Variants in EMC3 observed in about 807,000 individuals in gnomAD.
The protein encoded by EMC3 is 30 kDa protein.
Under a neutral mutation model 36.6 loss-of-function variants are expected in EMC3, and 13 were observed. The ratio of observed to expected loss-of-function variants is 0.35; its 90% CI spans 0.23 to 0.56. The LOEUF (loss-of-function observed/expected upper bound fraction) is 0.56, where lower values mean the gene tolerates loss of function less well. Ranked by LOEUF, EMC3 falls within the 20% of genes least tolerant of loss-of-function variation. The pLI, the probability that EMC3 is intolerant of heterozygous loss-of-function variation, is 0.84. For missense variants in EMC3, 220 were observed against 324.5 expected (o/e 0.68, Z 2.47); for synonymous variants, 120 against 111.9 (o/e 1.07, Z -0.46).
chr3:10,000,704 C>A, intron 1 of EMC3: 1 of 473,354 alleles, frequency 2.1e-6, no homozygotes, highest in Non-Finnish European at 4.2e-6. Context: ...CTTCTTAATG[C>A]CGGCAAAGAT....
chr3:9,982,123 T>C (rs1575683497), intron 1 of EMC3, among the ~76,000 whole-genome samples: 1 of 151,944 alleles, frequency 6.6e-6, no homozygotes, highest in East Asian at 1.9e-4. Flanking sequence ...CTAATTTTTG[T>C]ATTTTTAGTA....
intron 1 of EMC3, among the ~76,000 whole-genome samples, chr3:9,997,235 C>CT (rs879325383): frequency 1.2e-3 from 171 of 144,484 alleles, no homozygotes; most frequent in African/African-American, 2.2e-3. Context: ...TTCCTTCTTT[C>CT]TTTTTTTTTT....
At chr3:9,977,475 T>A (rs761710632) in intron 1 of EMC3, 29 bp from the exon 2 acceptor site, 1 of 1,601,156 alleles carries the variant, frequency 6.2e-7, no homozygotes, top group Non-Finnish European at 8.5e-7. Context: ...ACAATGAGAT[T>A]TTAAAAAGTG....
In EMC3 at chr3:9,998,408, T is replaced by TAA. The variant is rs56821728; in HGVS notation, c.-241-11507_-241-11506insTT. On this transcript the variant is annotated intron_variant, in intron 1 of 8. Coordinates refer to the EMC3 transcript ENST00000470827. ...ATAATAATAATAATAATAATAATAA[T>TAA]TTTGCTTTTAATGAATTAATAATTT... 6.8e-5 allele frequency among the ~76,000 whole-genome samples: 10 copies of TAA among 147,104 alleles called. No individual in the cohort carries two copies. The South Asian group carries it at 8.6e-4, about 13-fold the overall frequency.
At chr3:9,995,144 G>A (rs767760679) in intron 1 of EMC3, among the ~76,000 whole-genome samples, 6 of 152,182 alleles carry the variant, frequency 3.9e-5, no homozygotes, top group Non-Finnish European at 7.3e-5. Flanking sequence ...TATAAAGGGA[G>A]AATGGCATCT....
rs2085977863 is a variant in EMC3, at chr3:9,986,718, CA to C, written c.-58del. On this transcript the variant is annotated 5_prime_UTR_variant, in exon 1 of 8. Transcript: ENST00000245046. ...GGGCGAGCTTCTCTTCTCCGGGGCACAGTTGCTTCTCTTCGGCTTCGCCTCC... is the reference window on the plus strand; with the variant it reads ...GGGCGAGCTTCTCTTCTCCGGGGCACGTTGCTTCTCTTCGGCTTCGCCTCC... 1.4e-5 allele frequency: 23 copies of C among 1,600,110 alleles called. No individual in the cohort carries two copies. The highest frequency in any genetic ancestry group is 1.8e-5 in the Non-Finnish European group (21 of 1,172,354).
chr3:9,990,676 A>G (rs890833478), upstream of EMC3, among the ~76,000 whole-genome samples: 9 of 151,386 alleles, frequency 5.9e-5, no homozygotes, highest in Non-Finnish European at 1.3e-4. Flanking sequence ...TGCCTGGCTA[A>G]TTTTTGTATT....
At chr3:9,974,568 T>G (rs917541203) in intron 3 of EMC3, 80 bp from the exon 4 acceptor site, 1 of 955,260 alleles carries the variant, frequency 1.0e-6, no homozygotes, top group Non-Finnish European at 1.6e-6. Context: ...CTGTAAACTG[T>G]TTTTTTTTGA....
At chr3:10,006,620 A>G (rs899990930) in intron 1 of EMC3, 5 of 196,974 alleles carry the variant, frequency 2.5e-5, no homozygotes, top group African/African-American at 2.4e-5. Context: ...ATCGATGGTG[A>G]CCAGGGGTCA....
upstream of EMC3, chr3:9,987,404 G>T: frequency 1.8e-6 from 1 of 564,934 alleles, no homozygotes; most frequent in Non-Finnish European, 2.2e-6. Flanking sequence ...CCCTGAGATG[G>T]GATAGTCCCC....
intron 1 of EMC3, among the ~76,000 whole-genome samples, chr3:9,981,171 G>A (rs775096123): frequency 7.2e-5 from 11 of 152,188 alleles, no homozygotes; most frequent in Admixed American, 2.0e-4. Context: ...CACTGCGATC[G>A]CAGCCTCAAT....
upstream of EMC3, chr3:9,987,257 G>A: frequency 2.0e-6 from 2 of 985,058 alleles, no homozygotes; most frequent in Non-Finnish European, 2.4e-6. Flanking sequence ...GGCGGGGACG[G>A]CTTCTCGGTG....
At chr3:9,973,309 C>G (rs1011726368) in intron 5 of EMC3, among the ~76,000 whole-genome samples, 1 of 152,026 alleles carries the variant, frequency 6.6e-6, no homozygotes, top group Admixed American at 6.6e-5. Context: ...ATTCTCCTGC[C>G]TCAGCCTCCC....
chr3:9,983,693 A>C (rs1253664685), intron 1 of EMC3, among the ~76,000 whole-genome samples: 1 of 152,126 alleles, frequency 6.6e-6, no homozygotes, highest in Non-Finnish European at 1.5e-5. Flanking sequence ...GGTTCTTGTA[A>C]ACAGACTACA....
chr3:9,970,796 C>T (rs1261265360), intron 5 of EMC3, 135 bp from the exon 6 acceptor site: 2 of 741,430 alleles, frequency 2.7e-6, no homozygotes, highest in East Asian at 5.3e-5. Context: ...ATCCAAAGCA[C>T]AACCACAGAA....
chr3:10,007,186 C>T, intron 1 of EMC3: 1 of 718,816 alleles, frequency 1.4e-6, no homozygotes, highest in Non-Finnish European at 2.0e-6. Flanking sequence ...TGACCCCACC[C>T]ACAGCAAATC....
At chr3:9,997,683 C>T (rs564457666) in intron 1 of EMC3, among the ~76,000 whole-genome samples, 6 of 152,046 alleles carry the variant, frequency 3.9e-5, no homozygotes, top group South Asian at 2.1e-4. Flanking sequence ...TGGTCTCAAA[C>T]GGCTGACCTC....
At chr3:9,986,406 A>T in intron 1 of EMC3, 101 bp downstream of exon 1, 1 of 1,387,246 alleles carries the variant, frequency 7.2e-7, no homozygotes, top group Non-Finnish European at 1.0e-6. Context: ...ACCCTGTCAG[A>T]GGGGGCGCGA....
Position 9,964,126 on chromosome 3 carries a change from G to T in EMC3, c.729C>A (p.Ala243=). 6.2e-7 allele frequency: 1 copy of T among 1,614,140 alleles called. No individual in the cohort carries two copies. ...ALDDVEEELM[A]KDLHFEGMFK... is the part of the protein sequence containing the mutation. ...ACATGCCTTCGAAGTGGAGGTCTTT[G>T]GCCATGAGCTCTTCTTCGACATCAT... Residue 243 remains alanine, a synonymous_variant, in exon 8 of 8, where the codon GCC becomes GCA. Transcript: ENST00000245046.
Sources: allele counts gnomAD v4.1 joint callset (sites outside exome capture counted in the v4.1 genomes callset), GRCh38; gene constraint gnomAD v4.1.1; transcripts MANE v1.5; gene names NCBI Gene and HGNC (gene_info 2026-07-23, HGNC 2026-07-21).